STAU2: variants seen among roughly 807,000 people sequenced by gnomAD.
The protein encoded by STAU2 is staufen double-stranded RNA binding protein 2.
STAU2 carries 20 observed loss-of-function variants against 65.9 expected under a neutral mutation model. That is an observed-to-expected ratio of 0.30 (90% CI 0.21 to 0.44). The LOEUF (loss-of-function observed/expected upper bound fraction) is 0.44. Ranked by LOEUF, STAU2 falls within the 20% of genes least tolerant of loss-of-function variation. The probability of loss-of-function intolerance (pLI) is 1.00; values close to 1 mark genes in which losing one functional copy is unlikely to be tolerated. For missense variants in STAU2, 558 were observed against 683.9 expected, an observed-to-expected ratio of 0.82 and a Z score of 2.05; for synonymous variants, 232 against 233.9, an observed-to-expected ratio of 0.99 and a Z score of 0.07.
intron 13 of STAU2, among the ~76,000 whole-genome samples, chr8:73,524,445 G>A (rs976976067): frequency 2.0e-5 from 3 of 152,154 alleles, no homozygotes; most frequent in Non-Finnish European, 4.4e-5. Flanking sequence ...TTGCATATCC[G>A]TATCAACTTC....
intron 13 of STAU2, among the ~76,000 whole-genome samples, chr8:73,533,587 T>C (rs889239609): frequency 6.6e-5 from 10 of 152,196 alleles, no homozygotes; most frequent in Non-Finnish European, 1.3e-4. Flanking sequence ...TAGAATCACT[T>C]GAAATATTCA....
chr8:73,613,729 C>T lies in STAU2; in HGVS notation c.891+15G>A. ...ATTTAGTAAAACTGACTGATGTTCA[C>T]AAATATAAACTTACCTTTACTATTG... On this transcript the variant is annotated intron_variant, in intron 9 of 14. Transcript: ENST00000524300. 2 of 1,579,812 alleles carry T rather than the reference C, an allele frequency of 1.3e-6. No individual in the cohort carries two copies. The highest frequency in any genetic ancestry group is 3.5e-5 in the Admixed American group (2 of 56,342).
At chr8:73,727,841 C>T (rs575956822) in intron 3 of STAU2, 2 of 152,338 alleles carry the variant, frequency 1.3e-5, no homozygotes, top group African/African-American at 2.4e-5. Flanking sequence ...CAGCAACATA[C>T]GAGGGTTCCA....
intron 12 of STAU2, 86 bp downstream of exon 12, chr8:73,582,684 A>AG: frequency 7.6e-7 from 1 of 1,323,158 alleles, no homozygotes; most frequent in Non-Finnish European, 1.1e-6. Flanking sequence ...TCTCAGACCC[A>AG]GACAGACCCA....
intron 11 of STAU2, among the ~76,000 whole-genome samples, chr8:73,590,273 AT>A (rs1319799283): frequency 2.0e-5 from 3 of 152,042 alleles, no homozygotes; most frequent in Non-Finnish European, 2.9e-5. Context: ...AACAAAAAAA[AT>A]CAATTAGATA....
intron 13 of STAU2, among the ~76,000 whole-genome samples, chr8:73,443,187 A>G (rs768756206): frequency 5.3e-5 from 8 of 152,218 alleles, no homozygotes; most frequent in Non-Finnish European, 1.0e-4. Context: ...CCAGGAGGAA[A>G]AAAAAGGGTG....
intron 12 of STAU2, among the ~76,000 whole-genome samples, chr8:73,566,869 CT>C (rs1339640525): frequency 6.6e-6 from 1 of 152,210 alleles, no homozygotes; most frequent in Non-Finnish European, 1.5e-5. Context: ...AATAAATCAT[CT>C]TTCAAAGACT....
intron 3 of STAU2, among the ~76,000 whole-genome samples, chr8:73,709,936 T>G (rs886342061): frequency 6.6e-6 from 1 of 152,140 alleles, no homozygotes. Flanking sequence ...CTCTTCATTG[T>G]GTTCTCAAGA....
At chr8:73,470,207 T>C (rs7004732) in intron 13 of STAU2, among the ~76,000 whole-genome samples, 1,703 of 152,330 alleles carry the variant, frequency 0.011, 36 homozygotes, top group African/African-American at 0.038. Flanking sequence ...CAGAGGCTTC[T>C]AGGCAGATGT....
chr8:73,687,785 C>G (rs1334595708), intron 5 of STAU2, among the ~76,000 whole-genome samples: 1 of 151,914 alleles, frequency 6.6e-6, no homozygotes, highest in Non-Finnish European at 1.5e-5. Flanking sequence ...GATCTTGGCT[C>G]ACTGCAACCT....
chr8:73,491,916 A>G (rs1821172589), intron 13 of STAU2, among the ~76,000 whole-genome samples: 1 of 152,030 alleles, frequency 6.6e-6, no homozygotes. Flanking sequence ...CAATGTAAAA[A>G]TACGCAAGAG....
intron 12 of STAU2, among the ~76,000 whole-genome samples, chr8:73,555,896 T>C (rs1047132354): frequency 1.3e-4 from 20 of 152,212 alleles, no homozygotes; most frequent in Non-Finnish European, 4.4e-5. Context: ...TCAAATTCTC[T>C]ACATTAACAT....
intron 5 of STAU2, among the ~76,000 whole-genome samples, chr8:73,681,422 G>GA (rs1014907742): frequency 6.6e-6 from 1 of 152,138 alleles, no homozygotes; most frequent in Non-Finnish European, 1.5e-5. Context: ...AATGCTGAGA[G>GA]AATTTGCCAC....
At chr8:73,564,379 A>T (rs1005629554) in intron 12 of STAU2, among the ~76,000 whole-genome samples, 1 of 152,222 alleles carries the variant, frequency 6.6e-6, no homozygotes, top group Non-Finnish European at 1.5e-5. Context: ...TAGCAAACTA[A>T]CACAGGAACA....
chr8:73,595,304 A>C lies in STAU2; in HGVS notation c.1030-7T>G. 6.4e-7 allele frequency: 1 copy of C among 1,572,536 alleles called. No individual in the cohort carries two copies. Among genetic ancestry groups the C allele is most frequent in the Non-Finnish European group, 8.6e-7 (1 of 1,166,606 alleles). ...CTTCATTGCCTACCTTCACCTGATA[A>C]GATTAAAGAAATAAATTAAAGAAAT... is the stretch of plus-strand genomic sequence containing the variant. On this transcript the variant is annotated splice_region_variant and splice_polypyrimidine_tract_variant and intron_variant, in intron 10 of 14. Coordinates refer to ENST00000524300, the MANE Select transcript of STAU2 (RefSeq NM_001164380.2).
intron 13 of STAU2, among the ~76,000 whole-genome samples, chr8:73,519,080 C>T (rs1822898205): frequency 6.6e-6 from 1 of 152,084 alleles, no homozygotes; most frequent in African/African-American, 2.4e-5. Context: ...GCTCCAGGAC[C>T]TCCTGGAAGT....
intron 3 of STAU2, among the ~76,000 whole-genome samples, chr8:73,721,285 T>TC (rs1821659575): frequency 5.1e-5 from 1 of 19,598 alleles, no homozygotes; most frequent in Non-Finnish European, 8.7e-5. Flanking sequence ...AAACCCCACC[T>TC]CCAAAAAAAA....
intron 4 of STAU2, among the ~76,000 whole-genome samples, chr8:73,698,487 G>T (rs1033106330): frequency 2.0e-5 from 3 of 152,028 alleles, no homozygotes; most frequent in African/African-American, 7.3e-5. Context: ...CCAAAAAAGA[G>T]CAGACACAGC....
At chr8:73,550,277 A>T in intron 13 of STAU2, 8 of 985,132 alleles carry the variant, frequency 8.1e-6, no homozygotes, top group Non-Finnish European at 9.6e-6. Flanking sequence ...AAAAGGCCTT[A>T]GCAATGCAAT....
Sources: gnomAD v4.1 joint callset for allele counts (sites outside exome capture counted in the v4.1 genomes callset) on GRCh38, gnomAD v4.1.1 for gene constraint, MANE v1.5 for transcripts, NCBI Gene and HGNC (gene_info 2026-07-23, HGNC 2026-07-21) for gene names.